Variants in CNTNAP2 observed in about 807,000 individuals in gnomAD.
CNTNAP2 encodes the protein contactin associated protein 2.
Under a neutral mutation model 155.2 loss-of-function variants are expected in CNTNAP2, and 98 were observed. That is an observed-to-expected ratio of 0.63 (90% confidence interval 0.54 to 0.75). The LOEUF (loss-of-function observed/expected upper bound fraction) is 0.75, where lower values mean the gene tolerates loss of function less well. Among genes scored for constraint, CNTNAP2 ranks in the 30% least tolerant of loss-of-function variants. The pLI is 0.00. For missense variants in CNTNAP2, 1,727 were observed against 1,688.1 expected, an observed-to-expected ratio of 1.02 and a Z score of -0.40; for synonymous variants, 651 against 631.2, an observed-to-expected ratio of 1.03 and a Z score of -0.47.
chr7:147,795,749 C>A (rs1797883331), intron 13 of CNTNAP2, among the ~76,000 whole-genome samples: 1 of 152,120 alleles, frequency 6.6e-6, no homozygotes, highest in East Asian at 1.9e-4. Flanking sequence ...CTGTTATTAA[C>A]TAGTTGAATG....
At chr7:147,232,403 C>T (rs558836174) in intron 8 of CNTNAP2, among the ~76,000 whole-genome samples, 2 of 152,248 alleles carry the variant, frequency 1.3e-5, no homozygotes, top group South Asian at 4.1e-4. Context: ...TGGGAAATAA[C>T]AAAGCTGGAG....
intron 3 of CNTNAP2, among the ~76,000 whole-genome samples, chr7:146,842,210 A>G (rs553676230): frequency 6.6e-6 from 1 of 152,146 alleles, no homozygotes; most frequent in South Asian, 2.1e-4. Flanking sequence ...ATTACATAGA[A>G]TAATAATGGT....
chr7:148,057,688 C>G (rs1016782593), intron 15 of CNTNAP2, among the ~76,000 whole-genome samples: 1 of 152,186 alleles, frequency 6.6e-6, no homozygotes, highest in Non-Finnish European at 1.5e-5. Flanking sequence ...TTAAAACTTA[C>G]TGAAGGAACT....
intron 15 of CNTNAP2, among the ~76,000 whole-genome samples, chr7:148,101,990 A>G (rs1299866655): frequency 6.6e-6 from 1 of 152,122 alleles, no homozygotes; most frequent in African/African-American, 2.4e-5. Context: ...TCTAACTTTT[A>G]TTTTAGGTTC....
chr7:147,559,860 G>C (rs144007091), intron 11 of CNTNAP2, among the ~76,000 whole-genome samples: 2 of 121,236 alleles, frequency 1.6e-5, no homozygotes, highest in African/African-American at 6.5e-5. Context: ...ATGTCTTGCC[G>C]ATCTTAAAAA....
chr7:146,451,853 T>TA (rs1306006293), intron 1 of CNTNAP2, among the ~76,000 whole-genome samples: 45,646 of 131,620 alleles, frequency 0.35, 10,079 homozygotes, highest in African/African-American at 0.59. Context: ...TATACACGTA[T>TA]TCTATATATA....
intron 9 of CNTNAP2, among the ~76,000 whole-genome samples, chr7:147,390,339 G>A (rs1289359314): frequency 6.6e-6 from 1 of 152,134 alleles, no homozygotes; most frequent in East Asian, 1.9e-4. Flanking sequence ...GCTGCATAGT[G>A]CATTGCCTCA....
chr7:147,242,067 C>A (rs893362014), intron 8 of CNTNAP2, among the ~76,000 whole-genome samples: 2 of 152,122 alleles, frequency 1.3e-5, no homozygotes, highest in Non-Finnish European at 2.9e-5. Flanking sequence ...CCTTCTTTTC[C>A]TGATTTTTTC....
chr7:146,383,552 A>G (rs994424814), intron 1 of CNTNAP2, among the ~76,000 whole-genome samples: 12 of 152,298 alleles, frequency 7.9e-5, no homozygotes, highest in East Asian at 3.9e-4. Flanking sequence ...TGTAGGATAT[A>G]ATTTAATATA....
At chr7:147,753,899 C>CA (rs2116507719) in intron 13 of CNTNAP2, among the ~76,000 whole-genome samples, 1 of 152,144 alleles carries the variant, frequency 6.6e-6, no homozygotes, top group South Asian at 2.1e-4. Flanking sequence ...AATATATATT[C>CA]AAAAAACAAA....
chr7:147,580,747 C>T (rs1218738958), intron 12 of CNTNAP2, among the ~76,000 whole-genome samples: 1 of 151,974 alleles, frequency 6.6e-6, no homozygotes, highest in African/African-American at 2.4e-5. Context: ...TCCTGAGTAG[C>T]TAGGACTACA....
chr7:146,998,818 C>G (rs1189309846), intron 3 of CNTNAP2, among the ~76,000 whole-genome samples: 5 of 151,854 alleles, frequency 3.3e-5, no homozygotes, highest in African/African-American at 1.2e-4. Flanking sequence ...TCTATTTTAT[C>G]TGATATAACT....
chr7:146,498,252 A>C lies in CNTNAP2; in HGVS notation c.98-276019A>C, dbSNP rs531127857. On this transcript the variant is annotated intron_variant, in intron 1 of 23. Transcript: ENST00000361727. ...TATAGCATGAGTCTGCCTAGACCAC[A>C]TCCTCATTTCCCTTCAGGAACTGTA... Among the ~76,000 whole-genome samples the C allele has an allele frequency of 3.0e-3, 458 of 152,292 alleles. 4 individuals are homozygous for C. The highest frequency in any genetic ancestry group is 0.01 in the African/African-American group (430 of 41,568).
intron 1 of CNTNAP2, among the ~76,000 whole-genome samples, chr7:146,755,458 G>C (rs976300402): frequency 4.6e-5 from 7 of 151,920 alleles, no homozygotes; most frequent in Admixed American, 4.6e-4. Context: ...ATCAAAAAGG[G>C]AACATTGCTC....
At chr7:147,767,749 T>A (rs1797404739) in intron 13 of CNTNAP2, among the ~76,000 whole-genome samples, 1 of 152,064 alleles carries the variant, frequency 6.6e-6, no homozygotes, top group South Asian at 2.1e-4. Flanking sequence ...AGTGTCTTCA[T>A]GTGAGAAAGA....
At chr7:148,224,661 G>A (rs1247012949) in intron 19 of CNTNAP2, among the ~76,000 whole-genome samples, 2 of 152,200 alleles carry the variant, frequency 1.3e-5, no homozygotes, top group Non-Finnish European at 2.9e-5. Context: ...GAAGCAGGGA[G>A]ACTGTATTCA....
intron 13 of CNTNAP2, among the ~76,000 whole-genome samples, chr7:147,699,682 A>T (rs1212812695): frequency 6.6e-6 from 1 of 152,220 alleles, no homozygotes; most frequent in Non-Finnish European, 1.5e-5. Flanking sequence ...TTTTGTATTG[A>T]TGTGAAAGTC....
intron 8 of CNTNAP2, among the ~76,000 whole-genome samples, chr7:147,219,932 C>T (rs1389778217): frequency 2.7e-5 from 4 of 147,824 alleles, no homozygotes; most frequent in African/African-American, 5.0e-5. Context: ...CCCACCACCA[C>T]GCCCAGCTAA....
At chr7:146,726,532 T>C (rs945488759) in intron 1 of CNTNAP2, among the ~76,000 whole-genome samples, 1 of 152,184 alleles carries the variant, frequency 6.6e-6, no homozygotes, top group African/African-American at 2.4e-5. Flanking sequence ...CTTGTTTAGG[T>C]GGGCAATTAG....
Sources: allele counts gnomAD v4.1 joint callset (sites outside exome capture counted in the v4.1 genomes callset), GRCh38; gene constraint gnomAD v4.1.1; transcripts MANE v1.5; gene names NCBI Gene and HGNC (gene_info 2026-07-23, HGNC 2026-07-21).